ZCCHC14: variants seen among roughly 807,000 people sequenced by gnomAD.
The protein encoded by ZCCHC14 is zinc finger CCHC domain-containing protein 14.
A neutral mutation model predicts 85.0 loss-of-function variants in ZCCHC14; 16 were observed. That is an observed-to-expected ratio of 0.19 (90% CI 0.13 to 0.29). The LOEUF (loss-of-function observed/expected upper bound fraction) is 0.29, where lower values mean the gene tolerates loss of function less well. Ranked by LOEUF, ZCCHC14 falls within the 10% of genes least tolerant of loss-of-function variation. The probability of loss-of-function intolerance (pLI) is 1.00; values close to 1 mark genes in which losing one functional copy is unlikely to be tolerated. For missense variants in ZCCHC14, 1,303 were observed against 1,443.5 expected, an observed-to-expected ratio of 0.90 and a Z score of 1.58; for synonymous variants, 775 against 630.7, an observed-to-expected ratio of 1.23 and a Z score of -3.43.
In ZCCHC14 at chr16:87,452,033, C is replaced by T. The variant is rs984906117; in HGVS notation, c.694+7975G>A. ...GCTGACTGCAGCGTTCTTGAGCCAC[C>T]ACGGACAAGCCGTAAGCAGGGGCGT... On this transcript the variant is annotated intron_variant, in intron 2 of 12. Coordinates refer to ENST00000671377, the MANE Select transcript of ZCCHC14 (RefSeq NM_015144.3). Among the ~76,000 whole-genome samples the T allele has an allele frequency of 2.8e-4, 43 of 152,198 alleles. 1 individual carries two copies. Among genetic ancestry groups the T allele is most frequent in the African/African-American group, 9.9e-4 (41 of 41,458 alleles).
intron 4 of ZCCHC14, among the ~76,000 whole-genome samples, chr16:87,421,401 C>T (rs1017222838): frequency 3.3e-5 from 5 of 152,278 alleles, no homozygotes; most frequent in East Asian, 3.9e-4. Flanking sequence ...CAAGAAGACC[C>T]GCTGCTCCTG....
chr16:87,459,666 C>T (rs1329130632), intron 2 of ZCCHC14, among the ~76,000 whole-genome samples: 4 of 152,072 alleles, frequency 2.6e-5, no homozygotes, highest in East Asian at 1.9e-4. Context: ...CCCGCCACCA[C>T]GCCCAGCTAA....
chr16:87,427,014 C>T (rs1909406316), intron 3 of ZCCHC14, among the ~76,000 whole-genome samples: 1 of 152,246 alleles, frequency 6.6e-6, no homozygotes, highest in Non-Finnish European at 1.5e-5. Context: ...CGCGGGCTCG[C>T]GTGCACGCCA....
At chr16:87,452,516 G>A (rs1057119511) in intron 2 of ZCCHC14, among the ~76,000 whole-genome samples, 2 of 152,140 alleles carry the variant, frequency 1.3e-5, no homozygotes, top group Non-Finnish European at 2.9e-5. Flanking sequence ...ACAGAAGAGC[G>A]CTATCGGGAC....
rs184152201 is a variant in ZCCHC14 at position 87,460,348 on chromosome 16, G to A, written c.571-217C>T. ...AGCTCAGATAACTTGAGTCAAACAC[G>A]GGCGCTTACGTCTTGTGGCTGGGGT... On this transcript the variant is annotated intron_variant, in intron 1 of 12. Transcript: ENST00000671377. Among the ~76,000 whole-genome samples, 9 of 152,176 alleles carry A rather than the reference G, an allele frequency of 5.9e-5. No homozygotes were observed. In the East Asian group the frequency reaches 7.7e-4, roughly 13 times the overall value.
rs371208865 is a variant in ZCCHC14, at chr16:87,420,703, T to C, written c.854A>G (p.Tyr285Cys). 11 of 1,613,116 alleles carry C rather than the reference T, an allele frequency of 6.8e-6. No individual in the cohort carries two copies. Among genetic ancestry groups the C allele is most frequent in the East Asian group, 6.7e-5 (3 of 44,874 alleles). The change falls in exon 5 of 13, where the codon TAT becomes TGT. Residue 285 changes from tyrosine to cysteine, a missense_variant. Coordinates refer to ENST00000671377, the MANE Select transcript of ZCCHC14 (RefSeq NM_015144.3). This position sits in a 1 kb window ranked among gnomAD's most constrained non-coding sequence, Gnocchi z 5.0. Reference protein sequence around the residue: ...TEFISKLCQLYPEENLEKLIP... With the variant: ...TEFISKLCQLCPEENLEKLIP... ...GAGTTTCTCCAAGTTCTCTTCAGGA[T>C]AGAGCTGACATAGCTGGAAGAGAGG...
At chr16:87,471,440 AAG>A (rs1388741296) in intron 1 of ZCCHC14, 3 of 152,262 alleles carry the variant, frequency 2.0e-5, no homozygotes, top group South Asian at 2.1e-4. Flanking sequence ...CAAAAAGAGA[AAG>A]AGAGAAAAAA....
intron 8 of ZCCHC14, among the ~76,000 whole-genome samples, chr16:87,417,227 G>C (rs1908834994): frequency 6.6e-6 from 1 of 152,190 alleles, no homozygotes; most frequent in African/African-American, 2.4e-5. Flanking sequence ...CATCTAGTTT[G>C]TGAAGGTCTT....
intron 2 of ZCCHC14, among the ~76,000 whole-genome samples, chr16:87,437,645 C>T (rs1353258742): frequency 2.6e-5 from 4 of 152,204 alleles, no homozygotes; most frequent in Non-Finnish European, 4.4e-5. Context: ...AGTAAGAACA[C>T]GAAGGATGAT....
At chr16:87,466,126 C>CT (rs974729082) in intron 1 of ZCCHC14, among the ~76,000 whole-genome samples, 6 of 149,920 alleles carry the variant, frequency 4.0e-5, no homozygotes, top group African/African-American at 7.5e-5. Context: ...GGTATTTACG[C>CT]TTTTTTTTAA....
Position 87,491,151 on chromosome 16 carries a change from A to C in ZCCHC14, c.570+518T>G, listed in dbSNP as rs1188562376. On this transcript the variant is annotated intron_variant, in intron 1 of 12. Transcript: ENST00000671377. The surrounding 1 kb of genome is among the most constrained non-coding windows in gnomAD (Gnocchi z 5.9). ...GGCCTTATCGCGTTTGCAGCCGGCT[A>C]AGTGAAAGGAGGGCACCTGGGACTG... Among the ~76,000 whole-genome samples, 1 of 152,244 alleles carries C rather than the reference A, an allele frequency of 6.6e-6. No individual in the cohort carries two copies. Among genetic ancestry groups the C allele is most frequent in the Non-Finnish European group, 1.5e-5 (1 of 68,040 alleles).
intron 2 of ZCCHC14, among the ~76,000 whole-genome samples, chr16:87,434,165 G>A (rs1016029031): frequency 3.9e-5 from 6 of 152,190 alleles, no homozygotes; most frequent in Non-Finnish European, 8.8e-5. Flanking sequence ...GTACACTGGT[G>A]CGTGTTTTTC....
intron 2 of ZCCHC14, among the ~76,000 whole-genome samples, chr16:87,442,596 G>A (rs760624668): frequency 1.1e-4 from 16 of 152,136 alleles, no homozygotes; most frequent in East Asian, 5.8e-4. Context: ...AAACTTTAGC[G>A]GTGGGACAAT....
chr16:87,465,523 C>T (rs1567536768), intron 1 of ZCCHC14, among the ~76,000 whole-genome samples: 1 of 152,214 alleles, frequency 6.6e-6, no homozygotes, highest in Non-Finnish European at 1.5e-5. Context: ...GGAAAGCTGA[C>T]TGAGGTTCCA....
intron 2 of ZCCHC14, among the ~76,000 whole-genome samples, chr16:87,440,941 T>C (rs1350050344): frequency 6.6e-6 from 1 of 151,310 alleles, no homozygotes; most frequent in African/African-American, 2.4e-5. Context: ...GATGAAAGCA[T>C]AGAAATACTC....
intron 3 of ZCCHC14, among the ~76,000 whole-genome samples, chr16:87,432,638 G>A (rs1375438901): frequency 1.3e-5 from 2 of 152,102 alleles, no homozygotes; most frequent in African/African-American, 4.8e-5. Context: ...TGGCCATCTC[G>A]ACCCTGGTCA....
intron 4 of ZCCHC14, among the ~76,000 whole-genome samples, chr16:87,422,045 TATGA>T (rs1380557619): frequency 2.0e-5 from 3 of 152,138 alleles, no homozygotes; most frequent in Non-Finnish European, 4.4e-5. Flanking sequence ...TTTAAACAGC[TATGA>T]TGGATGTACT....
intron 3 of ZCCHC14, among the ~76,000 whole-genome samples, chr16:87,424,899 G>T (rs986400238): frequency 6.6e-6 from 1 of 152,086 alleles, no homozygotes; most frequent in African/African-American, 2.4e-5. Flanking sequence ...TTTCAAGTCG[G>T]CAAATAAAAT....
intron 2 of ZCCHC14, among the ~76,000 whole-genome samples, chr16:87,443,720 G>C (rs1178036096): frequency 1.3e-5 from 2 of 152,078 alleles, no homozygotes; most frequent in South Asian, 2.1e-4. Flanking sequence ...CTGGGTGACA[G>C]AGTGAGATAC....
Sources: gnomAD v4.1 joint callset for allele counts (sites outside exome capture counted in the v4.1 genomes callset) on GRCh38, gnomAD v4.1.1 for gene constraint, Gnocchi (gnomAD v3.1) non-coding constraint, MANE v1.5 for transcripts, NCBI Gene and HGNC (gene_info 2026-07-23, HGNC 2026-07-21) for gene names.